Variants in WDR70 observed in about 807,000 individuals in gnomAD.
The protein encoded by WDR70 is WD repeat-containing protein 70.
Under a neutral mutation model 88.6 loss-of-function variants are expected in WDR70, and 53 were observed. The ratio of observed to expected loss-of-function variants is 0.60; its 90% confidence interval spans 0.48 to 0.75. The LOEUF (loss-of-function observed/expected upper bound fraction) is 0.75, where lower values mean the gene tolerates loss of function less well. WDR70 is among the 30% of genes least tolerant of loss of function. WDR70 has a pLI of 0.00. For missense variants in WDR70, 610 were observed against 823.2 expected, an observed-to-expected ratio of 0.74 and a Z score of 3.17; for synonymous variants, 280 against 270.0, an observed-to-expected ratio of 1.04 and a Z score of -0.36.
At chr5:37,519,010 G>A (rs988675747) in intron 9 of WDR70, among the ~76,000 whole-genome samples, 2 of 152,104 alleles carry the variant, frequency 1.3e-5, no homozygotes, top group Admixed American at 6.5e-5. Context: ...TGGGGGTAAG[G>A]TTATAGATTA....
intron 5 of WDR70, among the ~76,000 whole-genome samples, chr5:37,418,413 G>A (rs909602190): frequency 8.6e-5 from 13 of 151,796 alleles, no homozygotes; most frequent in African/African-American, 2.2e-4. Flanking sequence ...TCCGCCTCCC[G>A]GGTTCATGCC....
At chr5:37,548,761 T>C (rs1742064292) in intron 9 of WDR70, among the ~76,000 whole-genome samples, 1 of 152,150 alleles carries the variant, frequency 6.6e-6, no homozygotes, top group Non-Finnish European at 1.5e-5. Flanking sequence ...TCTCGTAGTA[T>C]TTTCATAGTT....
intron 5 of WDR70, 29 bp downstream of exon 5, chr5:37,396,599 T>G: frequency 6.4e-7 from 1 of 1,567,240 alleles, no homozygotes; most frequent in Non-Finnish European, 8.6e-7. Flanking sequence ...ATTTAAGAAT[T>G]CGGTGGAGTA....
intron 2 of WDR70, among the ~76,000 whole-genome samples, chr5:37,380,868 A>G (rs1023175366): frequency 7.2e-5 from 11 of 152,000 alleles, no homozygotes; most frequent in Non-Finnish European, 1.6e-4. Flanking sequence ...AGGCTGATCA[A>G]TCTCCTGAGC....
At chr5:37,686,945 G>T (rs912317382) in intron 10 of WDR70, among the ~76,000 whole-genome samples, 2 of 81,842 alleles carry the variant, frequency 2.4e-5, no homozygotes, top group Non-Finnish European at 4.7e-5. Context: ...GCAAAACTCT[G>T]TCTCAAAATA....
At chr5:37,519,468 G>A (rs867607514) in intron 9 of WDR70, among the ~76,000 whole-genome samples, 111 of 148,760 alleles carry the variant, frequency 7.5e-4, no homozygotes, top group Middle Eastern at 3.8e-3. Context: ...ATGGGCTGCC[G>A]GGCGGAGGCG....
At chr5:37,381,721 A>C (rs1748430592) in intron 3 of WDR70, 36 bp downstream of exon 3, 1 of 1,586,632 alleles carries the variant, frequency 6.3e-7, no homozygotes, top group Non-Finnish European at 8.6e-7. Context: ...TTATTGGTTT[A>C]AGTACTATGT....
chr5:37,686,051 C>A (rs542089278), intron 10 of WDR70, among the ~76,000 whole-genome samples: 4 of 152,218 alleles, frequency 2.6e-5, no homozygotes, highest in African/African-American at 9.6e-5. Flanking sequence ...GCCCAAATCT[C>A]CCCCAACACT....
chr5:37,659,164 A>G (rs78424284), intron 10 of WDR70, among the ~76,000 whole-genome samples: 10,079 of 152,280 alleles, frequency 0.066, 398 homozygotes, highest in South Asian at 0.13. Flanking sequence ...AACATGTTCT[A>G]ATTCCCCAGT....
chr5:37,602,530 G>A (rs111309146), intron 9 of WDR70, among the ~76,000 whole-genome samples: 2,926 of 151,444 alleles, frequency 0.019, 86 homozygotes, highest in African/African-American at 0.067. Context: ...TCACTTAAAC[G>A]TGGGAGAATC....
chr5:37,713,252 C>T (rs1379214791), intron 13 of WDR70, among the ~76,000 whole-genome samples: 1 of 152,106 alleles, frequency 6.6e-6, no homozygotes, highest in Non-Finnish European at 1.5e-5. Context: ...GAATGAGGAT[C>T]AAAAGGAGGG....
chr5:37,464,859 C>T (rs543005290), intron 7 of WDR70, among the ~76,000 whole-genome samples: 1 of 152,116 alleles, frequency 6.6e-6, no homozygotes, highest in Non-Finnish European at 1.5e-5. Context: ...AAGAGGAGCA[C>T]ACAAGACTCT....
chr5:37,431,287 A>T (rs1163331020), intron 5 of WDR70, among the ~76,000 whole-genome samples: 1 of 152,260 alleles, frequency 6.6e-6, no homozygotes, highest in South Asian at 2.1e-4. Flanking sequence ...ATAGTTAATT[A>T]TAAGAGTGAC....
chr5:37,617,061 A>G (rs1431228588), intron 10 of WDR70, among the ~76,000 whole-genome samples: 1 of 152,208 alleles, frequency 6.6e-6, no homozygotes, highest in East Asian at 1.9e-4. Flanking sequence ...TTTAATGAAC[A>G]CTTACTTTGT....
chr5:37,625,515 G>A (rs866133724), intron 10 of WDR70, among the ~76,000 whole-genome samples: 9 of 151,586 alleles, frequency 5.9e-5, no homozygotes, highest in Admixed American at 6.6e-5. Flanking sequence ...CATATTTTTT[G>A]TTGTTGTTTT....
intron 10 of WDR70, among the ~76,000 whole-genome samples, chr5:37,640,670 T>C (rs1745080389): frequency 6.6e-6 from 1 of 152,238 alleles, no homozygotes. Flanking sequence ...CAGTAAATTT[T>C]AAATTGTCCT....
chr5:37,627,028 A>T (rs1446939068), intron 10 of WDR70, among the ~76,000 whole-genome samples: 2 of 151,068 alleles, frequency 1.3e-5, no homozygotes, highest in East Asian at 3.9e-4. Context: ...TCTGAGTTTC[A>T]CTAACGTTTT....
chr5:37,681,877 G>A (rs868829985), intron 10 of WDR70, among the ~76,000 whole-genome samples: 2 of 152,066 alleles, frequency 1.3e-5, no homozygotes, highest in Admixed American at 6.6e-5. Context: ...AAGGATATTG[G>A]CCTGAAGTTT....
At chr5:37,449,611 TAA>T (rs57161626) in intron 7 of WDR70, among the ~76,000 whole-genome samples, 5 of 54,052 alleles carry the variant, frequency 9.3e-5, no homozygotes, top group Admixed American at 6.3e-4. Context: ...AAATAAAAAA[TAA>T]AAAATAAATA....
Sources: allele counts gnomAD v4.1 joint callset (sites outside exome capture counted in the v4.1 genomes callset), GRCh38; gene constraint gnomAD v4.1.1; transcripts MANE v1.5; gene names NCBI Gene and HGNC (gene_info 2026-07-23, HGNC 2026-07-21).